The following MDFIC variants were observed in gnomAD, a reference collection of about 807,000 sequenced individuals.
MDFIC encodes myoD family inhibitor domain-containing protein.
A neutral mutation model predicts 23.2 loss-of-function variants in MDFIC; 17 were observed. The observed-to-expected ratio is 0.73, with a 90% CI of 0.50 to 1.10. The LOEUF (loss-of-function observed/expected upper bound fraction) is 1.10. Among genes scored for constraint, MDFIC ranks in the 50% least tolerant of loss-of-function variants. The pLI is 0.00. For missense variants in MDFIC, 356 were observed against 316.6 expected (o/e 1.12, Z -0.95); for synonymous variants, 120 against 115.2 (o/e 1.04, Z -0.27).
chr7:114,982,525 AC>A (rs910944152), intron 4 of MDFIC, among the ~76,000 whole-genome samples: 4 of 151,480 alleles, frequency 2.6e-5, no homozygotes, highest in Non-Finnish European at 4.4e-5. Context: ...TCTCATCTCT[AC>A]AAAAAAGAAA....
intron 3 of MDFIC, among the ~76,000 whole-genome samples, chr7:114,966,811 A>T (rs764231689): frequency 6.6e-6 from 1 of 152,184 alleles, no homozygotes; most frequent in Non-Finnish European, 1.5e-5. Flanking sequence ...AGGCCCGTAG[A>T]GCATATGTAG....
At position 115,017,593 on chromosome 7, in the gene MDFIC, T is replaced by A. The variant is rs1233740114; in HGVS notation, c.*1658T>A. Reference sequence around the variant, plus strand: ...GTTAAATTAAACTAATATGGCAGGTTATAATGATCCTTAAGTGTAAAGAAA... The same window carrying A: ...GTTAAATTAAACTAATATGGCAGGTAATAATGATCCTTAAGTGTAAAGAAA... On this transcript the variant is annotated 3_prime_UTR_variant, in exon 5 of 5. Transcript: ENST00000393486. The A allele has an allele frequency of 6.6e-6, 1 of 152,244 alleles. No individual in the cohort carries two copies. Among genetic ancestry groups the A allele is most frequent in the African/African-American group, 2.4e-5 (1 of 41,396 alleles). 9.4% of individuals were successfully genotyped at this position (152,244 alleles called of 1,614,324 possible).
At chr7:114,992,018 T>C (rs1762170693) in intron 4 of MDFIC, among the ~76,000 whole-genome samples, 1 of 152,250 alleles carries the variant, frequency 6.6e-6, no homozygotes, top group Non-Finnish European at 1.5e-5. Flanking sequence ...TGTCCTCTTT[T>C]ATTTCGTTGA....
At chr7:114,925,087 A>G (rs1563133584) in intron 2 of MDFIC, among the ~76,000 whole-genome samples, 1 of 152,196 alleles carries the variant, frequency 6.6e-6, no homozygotes, top group Non-Finnish European at 1.5e-5. Context: ...TAAATTCTTT[A>G]TATTAAAGTC....
At chr7:114,931,657 A>C (rs1792310429) in intron 2 of MDFIC, among the ~76,000 whole-genome samples, 1 of 152,244 alleles carries the variant, frequency 6.6e-6, no homozygotes, top group Non-Finnish European at 1.5e-5. Flanking sequence ...TGACAGATTA[A>C]TTTATGGCCA....
intron 3 of MDFIC, among the ~76,000 whole-genome samples, chr7:114,954,092 G>T (rs993121326): frequency 3.9e-5 from 6 of 152,088 alleles, no homozygotes; most frequent in Non-Finnish European, 8.8e-5. Context: ...AAATCACATT[G>T]ATTCTTTAAG....
In MDFIC at chr7:115,015,679, A is replaced by C; in HGVS notation, c.494-9A>C. On this transcript the variant is annotated splice_polypyrimidine_tract_variant and intron_variant, in intron 4 of 4. Transcript: ENST00000393486. ...TCACTATATGGTCTCCTCATCACTG[A>C]AAATGAAGATTGTTGTGTCCACTGT... 2 of 1,613,190 alleles carry C rather than the reference A, an allele frequency of 1.2e-6. No individual in the cohort carries two copies. Among genetic ancestry groups the C allele is most frequent in the Non-Finnish European group, 1.7e-6 (2 of 1,179,234 alleles).
intron 3 of MDFIC, among the ~76,000 whole-genome samples, chr7:114,965,127 G>C (rs953942294): frequency 2.7e-4 from 41 of 152,310 alleles, no homozygotes; most frequent in African/African-American, 9.1e-4. Flanking sequence ...AGGTGTTGAT[G>C]TAAGAGTAAG....
chr7:114,934,113 A>G (rs913282376), intron 2 of MDFIC: 6 of 152,200 alleles, frequency 3.9e-5, no homozygotes, highest in South Asian at 2.1e-4. Context: ...AAGCCTATGA[A>G]TGTTTGGCTT....
chr7:114,977,443 C>G (rs1793337971), intron 3 of MDFIC, among the ~76,000 whole-genome samples: 1 of 152,050 alleles, frequency 6.6e-6, no homozygotes, highest in South Asian at 2.1e-4. Context: ...AGTTGTCCCT[C>G]ACTGCTAAAA....
At chr7:114,945,536 G>A (rs1241152361) in intron 3 of MDFIC, among the ~76,000 whole-genome samples, 2 of 152,034 alleles carry the variant, frequency 1.3e-5, no homozygotes, top group East Asian at 1.9e-4. Flanking sequence ...TTCAGGGTGC[G>A]GATTTCAAAT....
At chr7:114,947,150 T>C (rs1299403534) in intron 3 of MDFIC, among the ~76,000 whole-genome samples, 1 of 152,218 alleles carries the variant, frequency 6.6e-6, no homozygotes, top group Non-Finnish European at 1.5e-5. Context: ...AGCCCCTAGA[T>C]AACTATGACC....
chr7:114,989,408 G>C (rs539279850), intron 4 of MDFIC, among the ~76,000 whole-genome samples: 1 of 152,192 alleles, frequency 6.6e-6, no homozygotes, highest in Admixed American at 6.5e-5. Context: ...GGGCAGAAGT[G>C]CAAGTCCAGA....
chr7:115,010,304 T>A (rs181053944), intron 4 of MDFIC, among the ~76,000 whole-genome samples: 9 of 152,252 alleles, frequency 5.9e-5, no homozygotes, highest in Admixed American at 2.0e-4. Flanking sequence ...TTTAACCTTT[T>A]CATTACCCTG....
intron 3 of MDFIC, among the ~76,000 whole-genome samples, chr7:114,953,245 T>G (rs558675644): frequency 2.0e-5 from 3 of 152,340 alleles, no homozygotes; most frequent in Admixed American, 2.0e-4. Context: ...GTAACTTGTT[T>G]TTTGATTTCT....
At chr7:114,941,803 A>G (rs141102602) in intron 2 of MDFIC, among the ~76,000 whole-genome samples, 1 of 152,274 alleles carries the variant, frequency 6.6e-6, no homozygotes, top group Non-Finnish European at 1.5e-5. Context: ...CACGTTCTAG[A>G]GAGAGAATGC....
chr7:114,962,495 T>A (rs960206185), intron 3 of MDFIC, among the ~76,000 whole-genome samples: 2 of 152,210 alleles, frequency 1.3e-5, no homozygotes, highest in South Asian at 4.1e-4. Context: ...GCCTTTATGA[T>A]AAAAACTGCC....
chr7:114,973,014 G>A (rs942379425), intron 3 of MDFIC, among the ~76,000 whole-genome samples: 6 of 151,512 alleles, frequency 4.0e-5, no homozygotes, highest in East Asian at 1.9e-4. Context: ...ATTTTTAGCC[G>A]ATCATCATTT....
intron 4 of MDFIC, among the ~76,000 whole-genome samples, chr7:114,995,750 C>A (rs568833983): frequency 5.6e-4 from 85 of 152,342 alleles, no homozygotes; most frequent in African/African-American, 1.9e-3. Context: ...TGTCAGTCTG[C>A]CCCTACTGGG....
Sources: gnomAD v4.1 joint callset for allele counts (sites outside exome capture counted in the v4.1 genomes callset) on GRCh38, gnomAD v4.1.1 for gene constraint, MANE v1.5 for transcripts, NCBI Gene and HGNC (gene_info 2026-07-23, HGNC 2026-07-21) for gene names.